The following LYPLA1 variants were observed in gnomAD, a reference collection of about 807,000 sequenced individuals.
LYPLA1 encodes the protein lysophospholipase 1.
A neutral mutation model predicts 34.0 loss-of-function variants in LYPLA1; 17 were observed. That is an observed-to-expected ratio of 0.50 (90% confidence interval 0.34 to 0.75). The LOEUF (loss-of-function observed/expected upper bound fraction) is 0.75, where lower values mean the gene tolerates loss of function less well. LYPLA1 is among the 30% of genes least tolerant of loss of function. LYPLA1 has a pLI of 0.01. For synonymous variants in LYPLA1, 98 were observed against 100.8 expected, an observed-to-expected ratio of 0.97 and a Z score of 0.17; for missense variants, 203 against 288.8, an observed-to-expected ratio of 0.70 and a Z score of 2.15.
chr8:54,046,910 T>TA lies in LYPLA1; in HGVS notation c.*1154dup, dbSNP rs1163124975. ...CTGCATCAAAAACTAATACAAAAAA[T>TA]AATTTGACTAAAGTGAAAATTTCAA... On this transcript the variant is annotated 3_prime_UTR_variant, in exon 9 of 9. Transcript: ENST00000316963. 6.6e-6 allele frequency: 1 copy of TA among 152,128 alleles called. No individual in the cohort carries two copies. The highest frequency in any genetic ancestry group is 2.4e-5 in the African/African-American group (1 of 41,450). The allele number at this position is 152,128 out of a possible 1,614,324, so 9.4% of individuals were successfully genotyped here. A position where few individuals can be genotyped will look rare whatever the true frequency, so the allele number is the denominator to read the frequency against.
chr8:54,081,773 A>G (rs1808340059), intron 2 of LYPLA1, among the ~76,000 whole-genome samples: 1 of 146,902 alleles, frequency 6.8e-6, no homozygotes, highest in South Asian at 2.1e-4. Flanking sequence ...CTTGTTGCCC[A>G]GGCTGGAGTG....
intron 2 of LYPLA1, among the ~76,000 whole-genome samples, chr8:54,081,189 T>C (rs1443851119): frequency 6.6e-6 from 1 of 152,176 alleles, no homozygotes; most frequent in Non-Finnish European, 1.5e-5. Flanking sequence ...ATACAGACAA[T>C]GCAACAATAT....
At chr8:54,060,659 A>G (rs1006301098) in intron 5 of LYPLA1, among the ~76,000 whole-genome samples, 2 of 149,152 alleles carry the variant, frequency 1.3e-5, no homozygotes, top group East Asian at 2.0e-4. Flanking sequence ...TGTTATTATT[A>G]CCGCACTAAC....
chr8:54,092,408 G>A (rs1809370657), intron 2 of LYPLA1, among the ~76,000 whole-genome samples: 1 of 152,146 alleles, frequency 6.6e-6, no homozygotes, highest in Non-Finnish European at 1.5e-5. Flanking sequence ...GAGGCATGCA[G>A]ACAAATTCCT....
downstream of LYPLA1, among the ~76,000 whole-genome samples, chr8:54,045,311 A>C (rs1805451052): frequency 6.6e-6 from 1 of 152,244 alleles, no homozygotes; most frequent in South Asian, 2.1e-4. Flanking sequence ...CAGCAGTAAG[A>C]GTGGCTGCAA....
At chr8:54,052,947 A>G in intron 6 of LYPLA1, 191 bp from the exon 7 acceptor site, 1 of 511,056 alleles carries the variant, frequency 2.0e-6, no homozygotes, top group African/African-American at 1.9e-5. Flanking sequence ...TACACCAGAG[A>G]ACATACAGAC....
chr8:54,050,936 A>C, intron 8 of LYPLA1, 76 bp downstream of exon 8: 1 of 1,444,636 alleles, frequency 6.9e-7, no homozygotes, highest in South Asian at 1.4e-5. Flanking sequence ...CCAAGCATTC[A>C]AATGTTACTT....
chr8:54,058,336 G>T (rs540458350), intron 5 of LYPLA1, among the ~76,000 whole-genome samples: 1 of 152,294 alleles, frequency 6.6e-6, no homozygotes, highest in African/African-American at 2.4e-5. Context: ...TTGAGGCCAG[G>T]AGTTTGAGAC....
intron 2 of LYPLA1, among the ~76,000 whole-genome samples, chr8:54,081,152 G>A (rs1808288766): frequency 6.6e-6 from 1 of 152,290 alleles, no homozygotes. Context: ...CTGTTGAAGA[G>A]TTGCCTCTCA....
chr8:54,053,519 A>G (rs1325121735), intron 6 of LYPLA1: 4 of 438,768 alleles, frequency 9.1e-6, no homozygotes, highest in Non-Finnish European at 1.4e-5. Flanking sequence ...TCCTGCCAGC[A>G]TCCAGAAGCC....
chr8:54,089,856 T>C (rs773323306), intron 2 of LYPLA1, among the ~76,000 whole-genome samples: 1 of 152,164 alleles, frequency 6.6e-6, no homozygotes, highest in Non-Finnish European at 1.5e-5. Context: ...AATCTTACCT[T>C]GAATTGTAAT....
chr8:54,062,808 G>A (rs1047483932), intron 4 of LYPLA1, among the ~76,000 whole-genome samples: 6 of 152,094 alleles, frequency 3.9e-5, no homozygotes, highest in South Asian at 2.1e-4. Context: ...CACCATGCCC[G>A]GCTAAAGTCA....
At position 54,098,254 on chromosome 8, in the gene LYPLA1, T is replaced by C. The variant is rs968984507; in HGVS notation, c.101+2654A>G. 4.0e-5 allele frequency among the ~76,000 whole-genome samples: 6 copies of C among 151,744 alleles called. No homozygotes were observed. In the East Asian group the frequency reaches 9.7e-4, roughly 25 times the overall value. ...AAAAGCAAAACAATACCAAAACAGT[T>C]GACCTGATAACCCAGATGGCTACCA... is the stretch of plus-strand genomic sequence containing the variant. On this transcript the variant is annotated intron_variant, in intron 2 of 8. Coordinates refer to ENST00000316963, the MANE Select transcript of LYPLA1 (RefSeq NM_006330.4).
At chr8:54,044,197 T>C (rs907061953), downstream of LYPLA1, among the ~76,000 whole-genome samples, 4 of 152,148 alleles carry the variant, frequency 2.6e-5, no homozygotes, top group African/African-American at 9.7e-5. Context: ...GTGCCCAGCC[T>C]TCCTTTTATC....
At chr8:54,101,025 A>G (rs1299204884) in intron 1 of LYPLA1, 86 bp from the exon 2 acceptor site, 5 of 1,128,764 alleles carry the variant, frequency 4.4e-6, no homozygotes, top group South Asian at 3.9e-5. Context: ...AAGGTGGAAA[A>G]CGGAACGAAA....
intron 2 of LYPLA1, among the ~76,000 whole-genome samples, chr8:54,075,100 G>C (rs1187113174): frequency 1.3e-5 from 2 of 152,180 alleles, no homozygotes; most frequent in Non-Finnish European, 2.9e-5. Context: ...TGCAAAAGCA[G>C]AAAGGAGACA....
chr8:54,089,727 G>A (rs779059578), intron 2 of LYPLA1, among the ~76,000 whole-genome samples: 16 of 151,324 alleles, frequency 1.1e-4, no homozygotes, highest in African/African-American at 3.4e-4. Context: ...AGGCTCAGGC[G>A]ATCCTCCCAC....
intron 2 of LYPLA1, among the ~76,000 whole-genome samples, chr8:54,066,638 A>T (rs2129336436): frequency 6.6e-6 from 1 of 151,906 alleles, no homozygotes; most frequent in East Asian, 1.9e-4. Context: ...AAAATTAGCC[A>T]GGCATGGTGG....
rs541589380 is a variant in LYPLA1, at chr8:54,083,028, A to C, written c.102-17215T>G. 8.5e-5 allele frequency among the ~76,000 whole-genome samples: 13 copies of C among 152,312 alleles called. No homozygotes were observed. In the East Asian group the frequency reaches 2.5e-3, roughly 29 times the overall value. ...GACATGAGCCACCGCACCCGGTCTCATTGTACAGTCTTATAAAATGAATGT... is the reference window on the plus strand; with the variant it reads ...GACATGAGCCACCGCACCCGGTCTCCTTGTACAGTCTTATAAAATGAATGT... On this transcript the variant is annotated intron_variant, in intron 2 of 8. Coordinates refer to ENST00000316963, the MANE Select transcript of LYPLA1 (RefSeq NM_006330.4).
Sources: gnomAD v4.1 joint callset for allele counts (sites outside exome capture counted in the v4.1 genomes callset) on GRCh38, gnomAD v4.1.1 for gene constraint, MANE v1.5 for transcripts, NCBI Gene and HGNC (gene_info 2026-07-23, HGNC 2026-07-21) for gene names.